The following FCAR variants were observed in gnomAD, a reference collection of about 807,000 sequenced individuals.
FCAR encodes Fc alpha receptor, also known as immunoglobulin alpha Fc receptor.
FCAR carries 21 observed loss-of-function variants against 27.1 expected under a neutral mutation model. That is an observed-to-expected ratio of 0.77 (90% CI 0.55 to 1.11). The LOEUF is 1.11. Ranked by LOEUF, FCAR falls within the 50% of genes most tolerant of loss-of-function variation. The probability of loss-of-function intolerance (pLI) is 0.00; values close to 1 mark genes in which losing one functional copy is unlikely to be tolerated. For missense variants in FCAR, 404 were observed against 358.4 expected, an observed-to-expected ratio of 1.13 and a Z score of -1.03; for synonymous variants, 134 against 135.8, an observed-to-expected ratio of 0.99 and a Z score of 0.09.
At chr19:54,875,484 T>C in intron 2 of FCAR, 119 bp downstream of exon 2, 1 of 839,894 alleles carries the variant, frequency 1.2e-6, no homozygotes. Flanking sequence ...TAGTTGTTTC[T>C]GCTGTGCTTC....
chr19:54,884,796 C>CT (rs1382962678), intron 2 of FCAR, among the ~76,000 whole-genome samples: 1 of 129,556 alleles, frequency 7.7e-6, no homozygotes, highest in Non-Finnish European at 1.7e-5. Context: ...AAATTTTTCT[C>CT]TTTTTTTAAT....
intron 2 of FCAR, among the ~76,000 whole-genome samples, chr19:54,879,105 G>C (rs1238929021): frequency 6.6e-6 from 1 of 151,654 alleles, no homozygotes; most frequent in Non-Finnish European, 1.5e-5. Flanking sequence ...TCGAACTCCT[G>C]ACCTCAAATG....
rs776953693 is a variant in FCAR at position 54,891,197 on chromosome 19, A to C, written c.*1334A>C. The C allele has an allele frequency of 6.6e-5, 10 of 152,148 alleles. 1 individual carries two copies. Among genetic ancestry groups the C allele is most frequent in the Admixed American group, 3.9e-4 (6 of 15,266 alleles). The allele number at this position is 152,148 out of a possible 1,614,324, so 9.4% of individuals were successfully genotyped here. On this transcript the variant is annotated 3_prime_UTR_variant, in exon 5 of 5. Coordinates refer to ENST00000355524, the MANE Select transcript of FCAR (RefSeq NM_002000.4). ...TGACAGACTTTACTCAAGGAAATCT[A>C]AGTTGGTCATATGTGGCTCTTTCAC... is the stretch of plus-strand genomic sequence containing the variant.
In FCAR at chr19:54,888,466, C is replaced by T. The variant is rs1051304147; in HGVS notation, c.649+172C>T. The T allele has an allele frequency of 1.5e-5, 22 of 1,428,594 alleles. No individual in the cohort carries two copies. In the African/African-American group the frequency reaches 1.7e-4, roughly 11 times the overall value. The allele number at this position is 1,428,594 out of a possible 1,614,324, so 88.5% of individuals were successfully genotyped here. A position where few individuals can be genotyped will look rare whatever the true frequency, so the allele number is the denominator to read the frequency against. On this transcript the variant is annotated intron_variant, in intron 4 of 4. Transcript: ENST00000355524. ...ACCACACTTTCCGCTTTCACTTCCTCGCTAGAGTTCTCCAGACAGGGTTCA... is the reference window on the plus strand; with the variant it reads ...ACCACACTTTCCGCTTTCACTTCCTTGCTAGAGTTCTCCAGACAGGGTTCA...
chr19:54,885,214 C>G (rs201203227), intron 2 of FCAR, 21 bp from the exon 3 acceptor site: 18 of 1,605,654 alleles, frequency 1.1e-5, no homozygotes, highest in Non-Finnish European at 1.5e-5. Flanking sequence ...CCACCTCAGT[C>G]TGGGCTTTCT....
chr19:54,885,870 G>A (rs2066689965), intron 3 of FCAR, among the ~76,000 whole-genome samples: 2 of 152,230 alleles, frequency 1.3e-5, no homozygotes, highest in Non-Finnish European at 2.9e-5. Context: ...CCAACACTTA[G>A]GGAAGCCGAG....
intron 3 of FCAR, among the ~76,000 whole-genome samples, chr19:54,887,715 G>A (rs2066818912): frequency 6.8e-6 from 1 of 146,450 alleles, no homozygotes; most frequent in Middle Eastern, 3.8e-3. Context: ...TCAGGAGTTC[G>A]AGACCAGCCT....
At chr19:54,883,565 A>G (rs1480535127) in intron 2 of FCAR, among the ~76,000 whole-genome samples, 2 of 152,128 alleles carry the variant, frequency 1.3e-5, no homozygotes, top group East Asian at 1.9e-4. Flanking sequence ...TCTGAGAATG[A>G]GGGCTCCTCA....
rs587706314 is a variant in FCAR, at chr19:54,881,733, G to A, written c.71-3502G>A. ...TGAAAACACAAAAAATGAGCCGGGCGTGGTGGCGGGCGCCTGTAGTCCCAG... is the reference window on the plus strand; with the variant it reads ...TGAAAACACAAAAAATGAGCCGGGCATGGTGGCGGGCGCCTGTAGTCCCAG... On this transcript the variant is annotated intron_variant, in intron 2 of 4. Transcript: ENST00000355524. 5.7e-3 allele frequency among the ~76,000 whole-genome samples: 863 copies of A among 152,172 alleles called. 9 individuals carry two copies. Among genetic ancestry groups the A allele is most frequent in the African/African-American group, 0.019 (793 of 41,520 alleles).
At position 54,878,072 on chromosome 19, in the gene FCAR, C is replaced by G. The variant is rs587741346; in HGVS notation, c.70+2707C>G. Among the ~76,000 whole-genome samples, 53 of 152,150 alleles carry G rather than the reference C, an allele frequency of 3.5e-4. 1 individual carries two copies. Among genetic ancestry groups the G allele is most frequent in the African/African-American group, 1.2e-3 (50 of 41,514 alleles). ...CTGAGACTACAGGTGCCCGCCACCC[C>G]GCCCGGCTAATTTTTTTTGTATTTT... On this transcript the variant is annotated intron_variant, in intron 2 of 4. Transcript: ENST00000355524.
chr19:54,885,391 A>G lies in FCAR; in HGVS notation c.227A>G (p.Lys76Arg). Residue 76 changes from lysine (K) to arginine (R), a missense_variant, in exon 3 of 5, where the codon AAG becomes AGG. Lys to Arg is a conservative substitution (Grantham distance 26). Coordinates refer to ENST00000355524, the MANE Select transcript of FCAR (RefSeq NM_002000.4). Reference protein sequence around the residue: ...STYREIGRRLKFWNETDPEFV... With the variant: ...STYREIGRRLRFWNETDPEFV... ...TACCGAGAGATAGGCAGAAGACTGA[A>G]GTTTTGGAATGAGACTGATCCTGAG... 6.2e-7 allele frequency: 1 copy of G among 1,614,070 alleles called. No individual in the cohort carries two copies.
Position 54,890,062 on chromosome 19 carries a change from T to C in FCAR, c.*199T>C. ...TGAACCTCTTGGGTTCAAGTGATTC[T>C]TGTGCCTCAGCCTCCCAAGTAGCTG... On this transcript the variant is annotated 3_prime_UTR_variant, in exon 5 of 5. Coordinates refer to ENST00000355524, the MANE Select transcript of FCAR (RefSeq NM_002000.4). 1.7e-6 allele frequency: 1 copy of C among 589,702 alleles called. No homozygotes were observed. Among genetic ancestry groups the C allele is most frequent in the South Asian group, 2.1e-5 (1 of 48,312 alleles). The allele number at this position is 589,702 out of a possible 1,614,324, so 36.5% of individuals were successfully genotyped here.
At position 54,885,217 on chromosome 19, in the gene FCAR, G is replaced by A; in HGVS notation, c.71-18G>A. ...CCCCATGGCAAGCCACCTCAGTCTG[G>A]GCTTTCTTTTCTTCCAGGGGACTTT... On this transcript the variant is annotated intron_variant, in intron 2 of 4. Coordinates refer to ENST00000355524, the MANE Select transcript of FCAR (RefSeq NM_002000.4). 6.2e-7 allele frequency: 1 copy of A among 1,606,812 alleles called. No homozygotes were observed. Among genetic ancestry groups the A allele is most frequent in the Non-Finnish European group, 8.5e-7 (1 of 1,175,400 alleles).
rs149895201 is a variant in FCAR, at chr19:54,874,849, T to G, written c.35-481T>G. Among the ~76,000 whole-genome samples, 4 of 152,262 alleles carry G rather than the reference T, an allele frequency of 2.6e-5. No homozygotes were observed. In the East Asian group the frequency reaches 7.7e-4, roughly 29 times the overall value. On this transcript the variant is annotated intron_variant, in intron 1 of 4. Coordinates refer to ENST00000355524, the MANE Select transcript of FCAR (RefSeq NM_002000.4). ...GGGGAGGAGTCCCTCCTCCAGGATT[T>G]TTTTCAATAGTTTCAGTAGGAATAA...
intron 2 of FCAR, among the ~76,000 whole-genome samples, chr19:54,879,974 C>G (rs912622437): frequency 6.6e-6 from 1 of 152,180 alleles, no homozygotes; most frequent in South Asian, 2.1e-4. Flanking sequence ...CGTGAGCCAC[C>G]GCGCCCGGCC....
chr19:54,876,348 G>A (rs1289657431), intron 2 of FCAR, among the ~76,000 whole-genome samples: 1 of 152,096 alleles, frequency 6.6e-6, no homozygotes, highest in Non-Finnish European at 1.5e-5. Context: ...GCTCTAGCTA[G>A]GACCTCCAGT....
chr19:54,883,553 G>A (rs989567343), intron 2 of FCAR, among the ~76,000 whole-genome samples: 10 of 152,158 alleles, frequency 6.6e-5, no homozygotes, highest in Non-Finnish European at 1.5e-5. Context: ...CCCTCTGAAC[G>A]TTCTGAGAAT....
At chr19:54,876,728 G>A (rs1280440398) in intron 2 of FCAR, among the ~76,000 whole-genome samples, 3 of 152,088 alleles carry the variant, frequency 2.0e-5, no homozygotes, top group African/African-American at 7.2e-5. Context: ...CACCATCCTG[G>A]CTAACACGGT....
At chr19:54,887,148 A>C (rs2066781373) in intron 3 of FCAR, among the ~76,000 whole-genome samples, 1 of 152,084 alleles carries the variant, frequency 6.6e-6, no homozygotes, top group Non-Finnish European at 1.5e-5. Context: ...CATCTGTACA[A>C]AAAATCAAAA....
Sources: gnomAD v4.1 joint callset for allele counts (sites outside exome capture counted in the v4.1 genomes callset) on GRCh38, gnomAD v4.1.1 for gene constraint, MANE v1.5 for transcripts, NCBI Gene and HGNC (gene_info 2026-07-23, HGNC 2026-07-21) for gene names.